Variants in CRYBG1 observed in about 807,000 individuals in gnomAD.
The protein encoded by CRYBG1 is beta/gamma crystallin domain-containing protein 1.
In CRYBG1, 139 loss-of-function variants were observed where a neutral mutation model predicts 189.2. The observed-to-expected ratio is 0.73, with a 90% CI of 0.64 to 0.85. The LOEUF (loss-of-function observed/expected upper bound fraction) is 0.85, where lower values mean the gene tolerates loss of function less well. CRYBG1 is among the 40% of genes least tolerant of loss of function. The pLI is 0.00. For missense variants in CRYBG1, 2,611 were observed against 2,675.8 expected (o/e 0.98, Z 0.53); for synonymous variants, 1,023 against 1,017.1 (o/e 1.01, Z -0.11).
chr6:106,433,672 T>C (rs1582759912), intron 1 of CRYBG1, among the ~76,000 whole-genome samples: 1 of 147,204 alleles, frequency 6.8e-6, no homozygotes, highest in Non-Finnish European at 1.5e-5. Context: ...AAGGAAAAGA[T>C]TGCATCTGAC....
intron 8 of CRYBG1, among the ~76,000 whole-genome samples, chr6:106,536,704 T>C (rs960513226): frequency 1.3e-5 from 2 of 152,390 alleles, no homozygotes; most frequent in Admixed American, 6.5e-5. Context: ...TACATTTGTT[T>C]GTTTAAAAAA....
chr6:106,505,977 G>A (rs1773124091), intron 2 of CRYBG1, among the ~76,000 whole-genome samples: 1 of 152,114 alleles, frequency 6.6e-6, no homozygotes, highest in Non-Finnish European at 1.5e-5. Flanking sequence ...ATTTTAGAAG[G>A]ATGCACAGGT....
Position 106,555,917 on chromosome 6 carries a change from T to G in CRYBG1, c.5715+20T>G, listed in dbSNP as rs762928690. On this transcript the variant is annotated intron_variant, in intron 17 of 21. Coordinates refer to ENST00000633556, the MANE Select transcript of CRYBG1 (RefSeq NM_001371242.2). ...GATGTTGTAAGTATGTCATTGTGAA[T>G]AGTGTTGCAGAAATGTATGCCTCAT... The G allele has an allele frequency of 1.9e-6, 3 of 1,613,966 alleles. No individual in the cohort carries two copies. The highest frequency in any genetic ancestry group is 2.5e-6 in the Non-Finnish European group (3 of 1,179,934).
chr6:106,398,976 G>A (rs1251801720), intron 1 of CRYBG1, among the ~76,000 whole-genome samples: 2 of 152,216 alleles, frequency 1.3e-5, no homozygotes, highest in Non-Finnish European at 2.9e-5. Context: ...GTCCTCTGGT[G>A]AAATATGCCT....
At chr6:106,374,046 T>G (rs972885520) in intron 1 of CRYBG1, among the ~76,000 whole-genome samples, 2 of 152,200 alleles carry the variant, frequency 1.3e-5, no homozygotes, top group African/African-American at 4.8e-5. Flanking sequence ...ACTGTGATAG[T>G]GAAACTGCAC....
intron 1 of CRYBG1, among the ~76,000 whole-genome samples, chr6:106,396,554 G>T (rs1168005973): frequency 6.6e-6 from 1 of 152,156 alleles, no homozygotes; most frequent in Non-Finnish European, 1.5e-5. Flanking sequence ...AAAATCTCTG[G>T]CATACCACTC....
rs764449966 is a variant in CRYBG1, at chr6:106,512,955, C to A, written c.1838C>A (p.Ala613Glu). 33 of 1,610,702 alleles carry A rather than the reference C, an allele frequency of 2.0e-5. 1 individual carries two copies. The highest frequency in any genetic ancestry group is 3.4e-4 in the Middle Eastern group (2 of 5,970). The change falls in exon 3 of 22, where the codon GCG becomes GAG. Residue 613 changes from alanine to glutamate, a missense_variant. By Grantham distance (107) the Ala-to-Glu change is moderately radical. Coordinates refer to ENST00000633556, the MANE Select transcript of CRYBG1 (RefSeq NM_001371242.2). ...RSRELGRAAG[A>E]PGASDADGLK... ...AGAGAGCTGGGCAGAGCGGCCGGAGCGCCTGGAGCTTCTGACGCCGACGGC... is the reference window on the plus strand; with the variant it reads ...AGAGAGCTGGGCAGAGCGGCCGGAGAGCCTGGAGCTTCTGACGCCGACGGC...
chr6:106,520,756 C>G lies in CRYBG1; in HGVS notation c.3548C>G (p.Thr1183Arg). The part of the protein sequence containing the change: ...PALHLMQNLD[T>R]KSKLRPKRAS... ...TTACATTTGATGCAGAACCTTGACA[C>G]AAAATCCAAACTGAGACCCAAACGT... Residue 1183 changes from threonine to arginine, a missense_variant, in exon 4 of 22, where the codon ACA becomes AGA. Physicochemically the swap from Thr to Arg is moderately conservative, Grantham distance 71. Coordinates refer to ENST00000633556, the MANE Select transcript of CRYBG1 (RefSeq NM_001371242.2). 6.2e-7 allele frequency: 1 copy of G among 1,614,168 alleles called. No individual in the cohort carries two copies. The highest frequency in any genetic ancestry group is 8.5e-7 in the Non-Finnish European group (1 of 1,180,038).
chr6:106,531,211 A>C (rs1562107701), intron 8 of CRYBG1, among the ~76,000 whole-genome samples: 1 of 152,198 alleles, frequency 6.6e-6, no homozygotes, highest in African/African-American at 2.4e-5. Flanking sequence ...GCCATTGTTC[A>C]TATCTTAGAA....
At chr6:106,534,965 G>A (rs1017829407) in intron 8 of CRYBG1, among the ~76,000 whole-genome samples, 1 of 152,202 alleles carries the variant, frequency 6.6e-6, no homozygotes, top group African/African-American at 2.4e-5. Context: ...CTCCAGACTA[G>A]GGTTAGCTGT....
At chr6:106,507,754 G>T (rs979645998) in intron 2 of CRYBG1, among the ~76,000 whole-genome samples, 1 of 152,138 alleles carries the variant, frequency 6.6e-6, no homozygotes, top group South Asian at 2.1e-4. Context: ...AATACGTATC[G>T]CATTTAGGAA....
intron 1 of CRYBG1, among the ~76,000 whole-genome samples, chr6:106,436,303 T>C (rs866367051): frequency 0.044 from 1,358 of 31,002 alleles, 18 homozygotes; most frequent in African/African-American, 0.2. Context: ...CTCTTTTTTT[T>C]TTTTTTTTTT....
chr6:106,400,648 G>A (rs1020914501), intron 1 of CRYBG1, among the ~76,000 whole-genome samples: 2 of 152,106 alleles, frequency 1.3e-5, no homozygotes, highest in African/African-American at 2.4e-5. Context: ...ATAAACCCTA[G>A]TAAGTATCAG....
intron 2 of CRYBG1, among the ~76,000 whole-genome samples, chr6:106,470,825 T>G (rs1301308423): frequency 1.3e-5 from 2 of 152,196 alleles, no homozygotes; most frequent in Admixed American, 6.5e-5. Context: ...ATTAATTACA[T>G]GAGCCCCTGA....
chr6:106,547,187 G>GACAC (rs113926303), intron 13 of CRYBG1, among the ~76,000 whole-genome samples: 6,059 of 50,592 alleles, frequency 0.12, 162 homozygotes, highest in Non-Finnish European at 0.32. Flanking sequence ...CACATACGTG[G>GACAC]ACACACACAC....
intron 3 of CRYBG1, 62 bp from the exon 4 acceptor site, chr6:106,519,069 G>T (rs1405032875): frequency 4.0e-6 from 6 of 1,506,290 alleles, no homozygotes; most frequent in Non-Finnish European, 5.3e-6. Context: ...TAATTAATTG[G>T]TTTGTGTGTT....
chr6:106,517,852 G>C (rs541501302), intron 3 of CRYBG1, among the ~76,000 whole-genome samples: 1 of 152,224 alleles, frequency 6.6e-6, no homozygotes, highest in East Asian at 1.9e-4. Context: ...AGCACATTTT[G>C]TTTCTCTGAA....
Position 106,521,800 on chromosome 6 carries a change from C to G in CRYBG1, c.4245+347C>G, listed in dbSNP as rs935376980. ...GTGGTGCAATCTCAGCTCACTGCAA[C>G]CTCCACCTCCTGGGTTCAAGCGATT... On this transcript the variant is annotated intron_variant, in intron 4 of 21. Transcript: ENST00000633556. 6.5e-5 allele frequency among the ~76,000 whole-genome samples: 9 copies of G among 139,416 alleles called. No homozygotes were observed. In the Admixed American group the frequency reaches 7.2e-4, roughly 11 times the overall value. 91.5% of individuals were successfully genotyped at this position (139,416 alleles called of 152,430 possible).
intron 2 of CRYBG1, among the ~76,000 whole-genome samples, chr6:106,495,439 T>C (rs1448821525): frequency 6.6e-6 from 1 of 152,180 alleles, no homozygotes; most frequent in East Asian, 1.9e-4. Context: ...AGTTTTTCCT[T>C]TTCATTGCCT....
Sources: gnomAD v4.1 joint callset for allele counts (sites outside exome capture counted in the v4.1 genomes callset) on GRCh38, gnomAD v4.1.1 for gene constraint, MANE v1.5 for transcripts, NCBI Gene and HGNC (gene_info 2026-07-23, HGNC 2026-07-21) for gene names.